The following EBF4 variants were observed in gnomAD, a reference collection of about 807,000 sequenced individuals.
EBF4 encodes EBF transcription factor 4, also known as transcription factor COE4.
EBF4 carries 34 observed loss-of-function variants against 67.1 expected under a neutral mutation model. That is an observed-to-expected ratio of 0.51 (90% confidence interval 0.39 to 0.67). The LOEUF is 0.67. EBF4 is among the 30% of genes least tolerant of loss of function. The pLI is 0.00. For missense variants in EBF4, 837 were observed against 873.3 expected, an observed-to-expected ratio of 0.96 and a Z score of 0.52; for synonymous variants, 387 against 377.7, an observed-to-expected ratio of 1.02 and a Z score of -0.29.
rs2088069057 is a variant in EBF4 at position 2,747,483 on chromosome 20, CAT to C, written c.558-1063_558-1062del. On this transcript the variant is annotated intron_variant, in intron 6 of 16. Transcript: ENST00000609451. This position sits in a 1 kb window ranked among gnomAD's most constrained non-coding sequence, Gnocchi z 4.6. ...TGTCTAAAAAGCAACCTCATCAGCG[CAT>C]ATGTGTTTTTTTCCCAATAACTCTA... Among the ~76,000 whole-genome samples the C allele has an allele frequency of 6.6e-6, 1 of 152,140 alleles. No individual in the cohort carries two copies. The highest frequency in any genetic ancestry group is 2.4e-5 in the African/African-American group (1 of 41,422).
chr20:2,735,695 G>A (rs924939050), intron 6 of EBF4, among the ~76,000 whole-genome samples: 6 of 152,154 alleles, frequency 3.9e-5, no homozygotes, highest in African/African-American at 1.4e-4. Flanking sequence ...ATTCTATCAT[G>A]AATCAATCAG....
chr20:2,704,176 C>T (rs2087417914), intron 1 of EBF4, among the ~76,000 whole-genome samples: 1 of 152,086 alleles, frequency 6.6e-6, no homozygotes, highest in Non-Finnish European at 1.5e-5. Context: ...AGGGGGCTAA[C>T]TAAGGGCATG....
At chr20:2,709,542 C>T in intron 5 of EBF4, 32 bp from the exon 6 acceptor site, 1 of 1,535,964 alleles carries the variant, frequency 6.5e-7, no homozygotes, top group Non-Finnish European at 8.8e-7. Context: ...TCCTTGGCTT[C>T]TGCCTTCCCT....
At chr20:2,749,734 A>G in exon 9 of EBF4, 1 of 1,548,220 alleles carries the variant, frequency 6.5e-7, no homozygotes, top group Non-Finnish European at 8.7e-7. Context: ...GTGTTCGGAA[A>G]CGTGCTCGTG....
chr20:2,694,050 C>T (rs955095324), intron 1 of EBF4, among the ~76,000 whole-genome samples: 3 of 152,342 alleles, frequency 2.0e-5, no homozygotes, highest in East Asian at 3.9e-4. Flanking sequence ...GCCACCCCAG[C>T]CGGGCTGTCT....
At chr20:2,703,521 C>T (rs2087406902) in intron 1 of EBF4, among the ~76,000 whole-genome samples, 1 of 151,900 alleles carries the variant, frequency 6.6e-6, no homozygotes, top group East Asian at 1.9e-4. Context: ...ATCATTTAGC[C>T]GGGTGTGGAG....
At chr20:2,732,558 A>C (rs1381138485) in intron 6 of EBF4, among the ~76,000 whole-genome samples, 1 of 152,238 alleles carries the variant, frequency 6.6e-6, no homozygotes, top group Non-Finnish European at 1.5e-5. Context: ...CACTCCAGCT[A>C]TCTTTCAGTT....
intron 1 of EBF4, among the ~76,000 whole-genome samples, chr20:2,695,259 A>ATTTC (rs1376998886): frequency 6.6e-6 from 1 of 151,880 alleles, no homozygotes; most frequent in East Asian, 1.9e-4. Context: ...TTAAGGTTCC[A>ATTTC]TTTCTCTGCA....
intron 6 of EBF4, among the ~76,000 whole-genome samples, chr20:2,727,618 G>A (rs1280213839): frequency 6.6e-6 from 1 of 152,160 alleles, no homozygotes; most frequent in Non-Finnish European, 1.5e-5. Flanking sequence ...ATCAATGGTA[G>A]TTCTATTTCT....
Position 2,696,732 on chromosome 20 carries a change from C to A in EBF4, c.137+2950C>A, listed in dbSNP as rs1406057305. On this transcript the variant is annotated intron_variant, in intron 1 of 16. Coordinates refer to ENST00000609451, the Ensembl canonical transcript of EBF4. This position sits in a 1 kb window ranked among gnomAD's most constrained non-coding sequence, Gnocchi z 4.7. ...CATCCCCTGGATTAAGTCTCACCAG[C>A]CTCAGGACTCCCTCTTACACCCACC... 6.6e-6 allele frequency among the ~76,000 whole-genome samples: 1 copy of A among 152,186 alleles called. No homozygotes were observed. The highest frequency in any genetic ancestry group is 2.4e-5 in the African/African-American group (1 of 41,440).
chr20:2,708,710 C>G (rs2087495108), intron 5 of EBF4, among the ~76,000 whole-genome samples: 1 of 151,920 alleles, frequency 6.6e-6, no homozygotes, highest in Non-Finnish European at 1.5e-5. Flanking sequence ...GTGACAGATC[C>G]AGACCCTGTC....
intron 6 of EBF4, among the ~76,000 whole-genome samples, chr20:2,725,455 T>C (rs1391316485): frequency 6.6e-6 from 1 of 152,214 alleles, no homozygotes; most frequent in East Asian, 1.9e-4. Context: ...TTGCTCATAT[T>C]TCTAAGTTGA....
chr20:2,757,165 G>A (rs757396526), intron 15 of EBF4, among the ~76,000 whole-genome samples: 31 of 152,184 alleles, frequency 2.0e-4, no homozygotes, highest in Non-Finnish European at 3.8e-4. Flanking sequence ...ATGCTCTATG[G>A]AGCCTCTGTG....
chr20:2,759,488 C>G (rs1243699890), downstream of EBF4: 1 of 188,930 alleles, frequency 5.3e-6, no homozygotes, highest in East Asian at 1.3e-4. Flanking sequence ...AGCCCCAGCA[C>G]TGTGCAGATG....
Position 2,747,869 on chromosome 20 carries a change from G to T in EBF4, c.558-680G>T, listed in dbSNP as rs2088074833. 6.6e-6 allele frequency among the ~76,000 whole-genome samples: 1 copy of T among 152,200 alleles called. No homozygotes were observed. Among genetic ancestry groups the T allele is most frequent in the Non-Finnish European group, 1.5e-5 (1 of 68,038 alleles). On this transcript the variant is annotated intron_variant, in intron 6 of 16. Transcript: ENST00000609451. This position sits in a 1 kb window ranked among gnomAD's most constrained non-coding sequence, Gnocchi z 4.6. ...TGTCTGCTTAGTATGCCATATGTGT[G>T]GGATGAGTGCAGGCTATATGTGGAG... is the stretch of plus-strand genomic sequence containing the variant.
At chr20:2,738,420 G>A (rs1230140260) in intron 6 of EBF4, among the ~76,000 whole-genome samples, 1 of 151,550 alleles carries the variant, frequency 6.6e-6, no homozygotes, top group African/African-American at 2.4e-5. Flanking sequence ...CTTCTCTTCT[G>A]TTCGTGGACT....
At chr20:2,709,425 T>C (rs1248762284) in intron 5 of EBF4, 149 bp from the exon 6 acceptor site, 8 of 647,570 alleles carry the variant, frequency 1.2e-5, no homozygotes, top group South Asian at 2.9e-5. Flanking sequence ...CCCCAAGCCC[T>C]GGGAGTGAGC....
chr20:2,713,027 CAGTG>C (rs1317166995), intron 6 of EBF4, among the ~76,000 whole-genome samples: 1 of 152,034 alleles, frequency 6.6e-6, no homozygotes, highest in Non-Finnish European at 1.5e-5. Flanking sequence ...AGATTGGAGA[CAGTG>C]AGTAGAGGAA....
chr20:2,720,429 T>C (rs983877059), intron 6 of EBF4, among the ~76,000 whole-genome samples: 9 of 152,162 alleles, frequency 5.9e-5, no homozygotes, highest in Non-Finnish European at 7.3e-5. Context: ...TCTTCATTTT[T>C]TTTCCCCCTT....
Sources: gnomAD v4.1 joint callset for allele counts (sites outside exome capture counted in the v4.1 genomes callset) on GRCh38, gnomAD v4.1.1 for gene constraint, Gnocchi (gnomAD v3.1) non-coding constraint, MANE v1.5 for transcripts, NCBI Gene and HGNC (gene_info 2026-07-23, HGNC 2026-07-21) for gene names.